Variants in ABHD12 observed in about 807,000 individuals in gnomAD.
ABHD12 encodes lysophosphatidylserine lipase ABHD12.
ABHD12 carries 43 observed loss-of-function variants against 58.3 expected under a neutral mutation model. The observed-to-expected ratio is 0.74, with a 90% CI of 0.58 to 0.95. ABHD12 has a LOEUF of 0.95. Ranked by LOEUF, ABHD12 falls within the 40% of genes least tolerant of loss-of-function variation. The probability of loss-of-function intolerance (pLI) is 0.00; values close to 1 mark genes in which losing one functional copy is unlikely to be tolerated. For synonymous variants in ABHD12, 219 were observed against 211.2 expected (o/e 1.04, Z -0.32); for missense variants, 539 against 537.2 (o/e 1.00, Z -0.03).
At chr20:25,373,925 C>T (rs6050567) in intron 1 of ABHD12, among the ~76,000 whole-genome samples, 82,075 of 151,702 alleles carry the variant, frequency 0.54, 22,767 homozygotes, top group Admixed American at 0.61. Context: ...CATAGTGATG[C>T]ATTTATTTAT....
intron 3 of ABHD12, among the ~76,000 whole-genome samples, chr20:25,322,961 G>C (rs2089107802): frequency 6.6e-6 from 1 of 152,134 alleles, no homozygotes; most frequent in Admixed American, 6.5e-5. Flanking sequence ...GGACTCAAGT[G>C]ATCCACTTGC....
At position 25,295,016 on chromosome 20, in the gene ABHD12, G is replaced by A. The variant is rs778106233; in HGVS notation, c.1172C>T (p.Pro391Leu). 3.7e-6 allele frequency: 6 copies of A among 1,614,110 alleles called. No homozygotes were observed. In the African/African-American group the frequency reaches 8.0e-5, roughly 22 times the overall value. Residue 391 changes from proline (P) to leucine (L), a missense_variant, in exon 13 of 13, where the codon CCA becomes CTA. Transcript: ENST00000376542. The stretch of plus-strand genomic sequence containing the variant: ...CATGCTGGGATCTGGGCTGGAACCT[G>A]GGCCCTGCTGAGGTCTGTGATAAAG...
downstream of ABHD12, chr20:25,296,439 A>G (rs766556780): frequency 6.2e-7 from 1 of 1,614,012 alleles, no homozygotes; most frequent in Non-Finnish European, 8.5e-7. Context: ...CAGTGACCGG[A>G]CCATCACGGA....
intron 1 of ABHD12, among the ~76,000 whole-genome samples, chr20:25,362,104 G>A (rs572264682): frequency 5.3e-5 from 8 of 151,738 alleles, no homozygotes; most frequent in South Asian, 4.2e-4. Flanking sequence ...GTGAAAACCC[G>A]TCTCTACTAA....
intron 6 of ABHD12, among the ~76,000 whole-genome samples, chr20:25,310,994 G>C (rs1466135200): frequency 3.3e-5 from 5 of 152,190 alleles, no homozygotes; most frequent in Non-Finnish European, 5.9e-5. Context: ...CAGCAGAAGA[G>C]AACCAGTGTC....
At chr20:25,312,411 C>G (rs116791786) in intron 6 of ABHD12, among the ~76,000 whole-genome samples, 1,697 of 152,306 alleles carry the variant, frequency 0.011, 33 homozygotes, top group African/African-American at 0.036. Context: ...CAGCTCCTAA[C>G]CGCGAGTGAT....
intron 10 of ABHD12, among the ~76,000 whole-genome samples, chr20:25,305,349 G>C (rs2088715750): frequency 6.7e-6 from 1 of 150,238 alleles, no homozygotes; most frequent in African/African-American, 2.4e-5. Flanking sequence ...AATATTTATA[G>C]GGTGTTTTAC....
intron 1 of ABHD12, among the ~76,000 whole-genome samples, chr20:25,386,076 G>A (rs2090086106): frequency 6.6e-6 from 1 of 151,694 alleles, no homozygotes; most frequent in African/African-American, 2.4e-5. Flanking sequence ...ACTCCAGCCT[G>A]GGTGATGCAG....
intron 2 of ABHD12, among the ~76,000 whole-genome samples, chr20:25,334,917 A>G (rs1265622415): frequency 6.6e-6 from 1 of 151,722 alleles, no homozygotes; most frequent in African/African-American, 2.4e-5. Context: ...TGTCTAAAAC[A>G]CCAAAAGCAA....
At chr20:25,383,929 T>G (rs1319079560) in intron 1 of ABHD12, among the ~76,000 whole-genome samples, 1 of 123,570 alleles carries the variant, frequency 8.1e-6, no homozygotes, top group African/African-American at 3.2e-5. Context: ...CCCTCCAGCC[T>G]GGGCAACAGA....
chr20:25,332,757 A>G (rs1600812977), intron 2 of ABHD12, among the ~76,000 whole-genome samples: 2 of 125,124 alleles, frequency 1.6e-5, no homozygotes, highest in Non-Finnish European at 3.3e-5. Flanking sequence ...TTTGAAACCA[A>G]CGAGAACAAA....
At chr20:25,390,439 GC>G (rs2090155838) in intron 1 of ABHD12, 73 bp downstream of exon 1, 7 of 1,306,048 alleles carry the variant, frequency 5.4e-6, no homozygotes, top group South Asian at 3.6e-5. Context: ...AGGTACCGCG[GC>G]CCCCTGCGGG....
chr20:25,300,638 C>T lies in ABHD12; in HGVS notation c.*207G>A, dbSNP rs2088618087. The T allele has an allele frequency of 4.1e-6, 6 of 1,458,380 alleles. No homozygotes were observed. Among genetic ancestry groups the T allele is most frequent in the Admixed American group, 2.5e-5 (1 of 40,610 alleles). 90.3% of individuals were successfully genotyped at this position (1,458,380 alleles called of 1,614,324 possible). A position where few individuals can be genotyped will look rare whatever the true frequency, so the allele number is the denominator to read the frequency against. ...AGGAGAGCCACATGCCTGCCACCCACGCTTTCCACACAGCCATGCTCAGGC... is the reference window on the plus strand; with the variant it reads ...AGGAGAGCCACATGCCTGCCACCCATGCTTTCCACACAGCCATGCTCAGGC... On this transcript the variant is annotated 3_prime_UTR_variant, in exon 13 of 13. Transcript: ENST00000339157.
chr20:25,308,498 G>C lies in ABHD12; in HGVS notation c.750-4C>G, dbSNP rs1369525695. 2 of 1,609,414 alleles carry C rather than the reference G, an allele frequency of 1.2e-6. No individual in the cohort carries two copies. Among genetic ancestry groups the C allele is most frequent in the Non-Finnish European group, 1.7e-6 (2 of 1,177,802 alleles). The stretch of plus-strand genomic sequence containing the variant: ...CCGCACCAGATTTGTCGCCACGCTA[G>C]GAAAAAAGAAAAACAGCTTAGTTGA... On this transcript the variant is annotated splice_polypyrimidine_tract_variant and splice_region_variant and intron_variant, in intron 7 of 12. Coordinates refer to ENST00000339157, the MANE Select transcript of ABHD12 (RefSeq NM_001042472.3).
intron 1 of ABHD12, among the ~76,000 whole-genome samples, chr20:25,351,807 A>G (rs1257349405): frequency 6.6e-6 from 1 of 151,948 alleles, no homozygotes; most frequent in East Asian, 2.0e-4. Flanking sequence ...AGGCTGAGGC[A>G]GGAGAACTGC....
At chr20:25,381,033 C>T (rs987961251) in intron 1 of ABHD12, among the ~76,000 whole-genome samples, 5 of 152,212 alleles carry the variant, frequency 3.3e-5, no homozygotes, top group Admixed American at 6.5e-5. Flanking sequence ...CAGCTGCTGT[C>T]CCGGCCTGAG....
At chr20:25,318,590 T>C (rs2089006619) in intron 4 of ABHD12, among the ~76,000 whole-genome samples, 1 of 151,380 alleles carries the variant, frequency 6.6e-6, no homozygotes, top group African/African-American at 2.4e-5. Flanking sequence ...AGGCAGTCTC[T>C]GCAGGATTGG....
At chr20:25,366,069 T>C (rs554587110) in intron 1 of ABHD12, among the ~76,000 whole-genome samples, 50 of 152,310 alleles carry the variant, frequency 3.3e-4, no homozygotes, top group African/African-American at 1.1e-3. Context: ...TTCTTTCACA[T>C]ATTGAAGGGT....
At chr20:25,318,394 A>G (rs1333886449) in intron 4 of ABHD12, among the ~76,000 whole-genome samples, 1 of 152,256 alleles carries the variant, frequency 6.6e-6, no homozygotes, top group African/African-American at 2.4e-5. Context: ...TATCATTGTA[A>G]GAGTTCACAG....
Sources: allele counts gnomAD v4.1 joint callset (sites outside exome capture counted in the v4.1 genomes callset), GRCh38; gene constraint gnomAD v4.1.1; transcripts MANE v1.5; gene names NCBI Gene and HGNC (gene_info 2026-07-23, HGNC 2026-07-21).